The following CNTNAP5 variants were observed in gnomAD, a reference collection of about 807,000 sequenced individuals.
CNTNAP5 encodes contactin-associated protein-like 5.
In CNTNAP5, 72 loss-of-function variants were observed where a neutral mutation model predicts 150.2. The ratio of observed to expected loss-of-function variants is 0.48; its 90% CI spans 0.40 to 0.58. The LOEUF is 0.58. CNTNAP5 is among the 20% of genes least tolerant of loss of function. The pLI is 0.00. For synonymous variants in CNTNAP5, 672 were observed against 619.8 expected (o/e 1.08, Z -1.25); for missense variants, 1,636 against 1,626.2 (o/e 1.01, Z -0.10).
intron 1 of CNTNAP5, among the ~76,000 whole-genome samples, chr2:124,202,118 C>T (rs970068209): frequency 6.6e-6 from 1 of 151,986 alleles, no homozygotes; most frequent in Admixed American, 6.6e-5. Flanking sequence ...ATGCTGTGCC[C>T]TAAGTTCTGG....
intron 6 of CNTNAP5, among the ~76,000 whole-genome samples, chr2:124,459,896 C>T (rs1693208198): frequency 6.6e-6 from 1 of 151,932 alleles, no homozygotes; most frequent in Non-Finnish European, 1.5e-5. Flanking sequence ...CTATTCTTTG[C>T]TTAGCTGTTT....
At chr2:124,269,752 C>T (rs1191477476) in intron 3 of CNTNAP5, among the ~76,000 whole-genome samples, 2 of 152,092 alleles carry the variant, frequency 1.3e-5, no homozygotes, top group Non-Finnish European at 2.9e-5. Context: ...CCTTATCCTA[C>T]AGCATGTGAT....
chr2:124,735,703 A>G (rs2105132083), intron 13 of CNTNAP5, among the ~76,000 whole-genome samples: 1 of 152,280 alleles, frequency 6.6e-6, no homozygotes, highest in South Asian at 2.1e-4. Context: ...TGGGATTTGG[A>G]GCCATAAGAT....
chr2:124,453,374 T>A (rs1203151625), intron 6 of CNTNAP5, among the ~76,000 whole-genome samples: 1 of 152,120 alleles, frequency 6.6e-6, no homozygotes, highest in Non-Finnish European at 1.5e-5. Context: ...ATCCAGGATG[T>A]CTGGGATTAT....
intron 1 of CNTNAP5, among the ~76,000 whole-genome samples, chr2:124,151,474 G>A (rs1467978027): frequency 6.6e-6 from 1 of 152,100 alleles, no homozygotes. Flanking sequence ...AATCAGCTCT[G>A]CCACTTACCA....
At chr2:124,261,519 T>C (rs1252672773) in intron 3 of CNTNAP5, among the ~76,000 whole-genome samples, 1 of 152,134 alleles carries the variant, frequency 6.6e-6, no homozygotes, top group Non-Finnish European at 1.5e-5. Context: ...AGCAGTAGCA[T>C]CGATAGCATT....
intron 19 of CNTNAP5, among the ~76,000 whole-genome samples, chr2:124,800,212 A>G (rs1207942319): frequency 6.6e-6 from 1 of 152,226 alleles, no homozygotes; most frequent in Admixed American, 6.5e-5. Flanking sequence ...GGACCATAGT[A>G]AGATGGTTGG....
intron 13 of CNTNAP5, among the ~76,000 whole-genome samples, chr2:124,657,826 G>T (rs1218901048): frequency 6.6e-6 from 1 of 152,138 alleles, no homozygotes; most frequent in Non-Finnish European, 1.5e-5. Context: ...CAGAAGCCTT[G>T]TTCCTCTCTC....
At chr2:124,484,912 T>A (rs1029442916) in intron 7 of CNTNAP5, among the ~76,000 whole-genome samples, 2 of 152,158 alleles carry the variant, frequency 1.3e-5, no homozygotes, top group South Asian at 4.1e-4. Flanking sequence ...ATATGTAAAA[T>A]AAAACTGTGT....
intron 10 of CNTNAP5, among the ~76,000 whole-genome samples, chr2:124,531,202 C>T (rs942376765): frequency 2.0e-5 from 3 of 151,880 alleles, no homozygotes; most frequent in African/African-American, 7.3e-5. Flanking sequence ...ATGCACAGTT[C>T]ACAATAGGGT....
chr2:124,206,593 A>T (rs1685869078), intron 1 of CNTNAP5, among the ~76,000 whole-genome samples: 2 of 152,116 alleles, frequency 1.3e-5, no homozygotes, highest in Non-Finnish European at 2.9e-5. Context: ...AAGTAGTAAG[A>T]TGAGGGATAG....
intron 13 of CNTNAP5, among the ~76,000 whole-genome samples, chr2:124,654,604 T>A (rs1678400990): frequency 6.6e-6 from 1 of 152,192 alleles, no homozygotes; most frequent in Non-Finnish European, 1.5e-5. Flanking sequence ...TCACCCGCTA[T>A]GTTCTTGCTG....
At position 124,510,183 on chromosome 2, in the gene CNTNAP5, A is replaced by G. The variant is rs191281431; in HGVS notation, c.1327+5627A>G. Among the ~76,000 whole-genome samples the G allele has an allele frequency of 7.7e-3, 1,162 of 151,094 alleles. 18 individuals are homozygous for G. Among genetic ancestry groups the G allele is most frequent in the African/African-American group, 0.026 (1,082 of 41,164 alleles). ...AGATCCTGCCACTGCACTCCAGCCT[A>G]GGTGACAGAGTGAGACTCCATCTAA... is the stretch of plus-strand genomic sequence containing the variant. On this transcript the variant is annotated intron_variant, in intron 8 of 23. Coordinates refer to ENST00000682447, the MANE Select transcript of CNTNAP5 (RefSeq NM_001367498.1).
chr2:124,616,542 G>T (rs1470372725), intron 12 of CNTNAP5, among the ~76,000 whole-genome samples: 2 of 152,144 alleles, frequency 1.3e-5, no homozygotes, highest in Non-Finnish European at 2.9e-5. Flanking sequence ...AGGCTGTTTT[G>T]CTTTCTTATC....
chr2:124,570,366 A>G (rs1195818807), intron 11 of CNTNAP5, among the ~76,000 whole-genome samples: 1 of 152,106 alleles, frequency 6.6e-6, no homozygotes, highest in African/African-American at 2.4e-5. Flanking sequence ...GAGCTCCATG[A>G]GCAAAGGCAA....
chr2:124,051,095 C>T (rs1159346668), intron 1 of CNTNAP5, among the ~76,000 whole-genome samples: 1 of 152,120 alleles, frequency 6.6e-6, no homozygotes, highest in Non-Finnish European at 1.5e-5. Flanking sequence ...GAGATAATGA[C>T]ATGTGACAAA....
intron 6 of CNTNAP5, among the ~76,000 whole-genome samples, chr2:124,473,212 G>C (rs1248542787): frequency 6.6e-6 from 1 of 151,834 alleles, no homozygotes; most frequent in Non-Finnish European, 1.5e-5. Flanking sequence ...TTAGTTGGAG[G>C]ACTTTATTAG....
At chr2:124,086,107 T>C (rs1488780711) in intron 1 of CNTNAP5, among the ~76,000 whole-genome samples, 1 of 152,070 alleles carries the variant, frequency 6.6e-6, no homozygotes, top group African/African-American at 2.4e-5. Context: ...CTATTTCTCC[T>C]TTCAGTTCTA....
intron 19 of CNTNAP5, among the ~76,000 whole-genome samples, chr2:124,855,003 T>G (rs1033453093): frequency 2.0e-5 from 3 of 152,012 alleles, no homozygotes; most frequent in Non-Finnish European, 4.4e-5. Context: ...CATAACAATG[T>G]GCAGAGGCAA....
Sources: allele counts gnomAD v4.1 joint callset (sites outside exome capture counted in the v4.1 genomes callset), GRCh38; gene constraint gnomAD v4.1.1; transcripts MANE v1.5; gene names NCBI Gene and HGNC (gene_info 2026-07-23, HGNC 2026-07-21).